Variants in MBD1 observed in about 807,000 individuals in gnomAD.
MBD1 encodes the protein methyl-CpG-binding domain protein 1.
In MBD1, 25 loss-of-function variants were observed where a neutral mutation model predicts 82.6. That is an observed-to-expected ratio of 0.30 (90% CI 0.22 to 0.42). The LOEUF is 0.42. Ranked by LOEUF, MBD1 falls within the 10% of genes least tolerant of loss-of-function variation. The pLI is 1.00. For missense variants in MBD1, 627 were observed against 819.6 expected (o/e 0.76, Z 2.87); for synonymous variants, 301 against 303.7 (o/e 0.99, Z 0.09).
chr18:50,276,410 T>C lies in MBD1; in HGVS notation c.484A>G (p.Ile162Val), dbSNP rs2037916486. ...TLCKDCRAQR[I>V]AFNREQRMFK... Reference sequence around the variant, plus strand: ...ATTCTCTGTTCCCGGTTGAAGGCAATTCTCTGTGCTGTGGGGAGGAAGAGG... The same window carrying C: ...ATTCTCTGTTCCCGGTTGAAGGCAACTCTCTGTGCTGTGGGGAGGAAGAGG... The change falls in exon 6 of 17, where the codon ATT becomes GTT. Residue 162 changes from isoleucine (I) to valine (V), a missense_variant. This residue lies in a region of MBD1 where 228 missense variants were observed against 318.1 expected (regional missense o/e 0.72). Transcript: ENST00000269468. 1 of 1,613,982 alleles carries C rather than the reference T, an allele frequency of 6.2e-7. No homozygotes were observed. The highest frequency in any genetic ancestry group is 8.5e-7 in the Non-Finnish European group (1 of 1,179,998).
At position 50,273,076 on chromosome 18, in the gene MBD1, G is replaced by A. The variant is rs1432023071; in HGVS notation, c.1585-121C>T. 6 of 1,362,232 alleles carry A rather than the reference G, an allele frequency of 4.4e-6. No individual in the cohort carries two copies. The African/African-American group carries it at 7.2e-5, about 16-fold the overall frequency. 84.4% of individuals were successfully genotyped at this position (1,362,232 alleles called of 1,614,324 possible). On this transcript the variant is annotated intron_variant, in intron 13 of 16. Transcript: ENST00000269468. ...CTTCCATCACATTTCAACACAGAAA[G>A]TCCATCTCTCTGCCTACAAAGCTTT...
chr18:50,274,354 C>T lies in MBD1; in HGVS notation c.979-1G>A. On this transcript the variant is annotated splice_acceptor_variant, in intron 10 of 16. Transcript: ENST00000269468. LOFTEE classifies it high-confidence loss of function. ...TCTGCCGGCGGTTCGTGTAGGGCTGCTGGGGTGGGGGGAATGGGTGGTGCT... is the reference window on the plus strand; with the variant it reads ...TCTGCCGGCGGTTCGTGTAGGGCTGTTGGGGTGGGGGGAATGGGTGGTGCT... 6.2e-7 allele frequency: 1 copy of T among 1,611,648 alleles called. No individual in the cohort carries two copies. Among genetic ancestry groups the T allele is most frequent in the Non-Finnish European group, 8.5e-7 (1 of 1,179,296 alleles).
intron 9 of MBD1, 23 bp downstream of exon 9, chr18:50,275,106 C>T: frequency 6.2e-7 from 1 of 1,612,974 alleles, no homozygotes; most frequent in Non-Finnish European, 8.5e-7. Context: ...GTTGTGCCTT[C>T]CCTCCACCCA....
At chr18:50,281,017 T>C in intron 1 of MBD1, 2 of 682,506 alleles carry the variant, frequency 2.9e-6, no homozygotes, top group Non-Finnish European at 4.8e-6. Flanking sequence ...ATTTCTCCTG[T>C]CATCAGCCTG....
intron 1 of MBD1, 35 bp from the exon 2 acceptor site, chr18:50,280,052 G>GCTCTA (rs2039612546): frequency 1.9e-6 from 3 of 1,565,946 alleles, no homozygotes; most frequent in Non-Finnish European, 2.6e-6. Context: ...GGAAACTGAG[G>GCTCTA]CTCTAGGAAG....
At chr18:50,268,171 A>AC (rs1199839884), downstream of MBD1, among the ~76,000 whole-genome samples, 6 of 152,148 alleles carry the variant, frequency 3.9e-5, no homozygotes, top group Admixed American at 2.0e-4. Flanking sequence ...GGGCGGAACC[A>AC]CCCCCACCAC....
At position 50,275,176 on chromosome 18, in the gene MBD1, G is replaced by A; in HGVS notation, c.862C>T (p.Pro288Ser). 6.2e-7 allele frequency: 1 copy of A among 1,614,116 alleles called. No homozygotes were observed. The highest frequency in any genetic ancestry group is 2.2e-5 in the East Asian group (1 of 44,880). Residue 288 changes from proline to serine, a missense_variant, in exon 9 of 17, where the codon CCA (proline) becomes TCA (serine). This residue lies in a region of MBD1 where 228 missense variants were observed against 318.1 expected (regional missense o/e 0.72). Coordinates refer to ENST00000269468, the MANE Select transcript of MBD1 (RefSeq NM_015846.4). ...TGTGATGGGGGTGGTGGAGGCAGTG[G>A]CTGGGCTCCGGGGCGCCGCCTGGCA... ...MAARRRPGAQ[P>S]LPPPPPSQSP...
chr18:50,269,968 T>G, intron 16 of MBD1, 150 bp from the exon 17 acceptor site: 1 of 1,560,760 alleles, frequency 6.4e-7, no homozygotes, highest in Non-Finnish European at 8.7e-7. Context: ...CTCCTCTGAT[T>G]GTACCCTAAC....
intron 2 of MBD1, 89 bp from the exon 3 acceptor site, chr18:50,277,293 G>A (rs929788100): frequency 9.5e-7 from 1 of 1,056,240 alleles, no homozygotes; most frequent in Non-Finnish European, 1.4e-6. Flanking sequence ...CAGGATATAG[G>A]AGGCAGCCTG....
In MBD1 at chr18:50,281,503, C is replaced by T. The variant is rs780073045; in HGVS notation, c.-166G>A. The T allele has an allele frequency of 3.8e-5, 22 of 581,174 alleles. No homozygotes were observed. Among genetic ancestry groups the T allele is most frequent in the Non-Finnish European group, 6.4e-5 (21 of 327,202 alleles). 36.0% of individuals were successfully genotyped at this position (581,174 alleles called of 1,614,324 possible). A position where few individuals can be genotyped will look rare whatever the true frequency, so the allele number is the denominator to read the frequency against. On this transcript the variant is annotated 5_prime_UTR_variant, in exon 1 of 17. Coordinates refer to ENST00000269468, the MANE Select transcript of MBD1 (RefSeq NM_015846.4). The stretch of plus-strand genomic sequence containing the variant: ...TCCTCTGAAGCGGTAGCTGTCGCCT[C>T]CGCGGCTGTTCGTTGCTCCCGGAAC...
chr18:50,267,709 T>TG, downstream of MBD1: 1 of 1,344,680 alleles, frequency 7.4e-7, no homozygotes, highest in Non-Finnish European at 1.0e-6. Flanking sequence ...CATTCTAAAG[T>TG]GGGGGTGAGC....
rs1568189716 is a variant in MBD1 at position 50,271,487 on chromosome 18, T to C, written c.*14A>G. ...ATATCACCTTGAATCCTACAGTCTG[T>C]AGAAGCCTCCAGTCTACTGCTTTCT... On this transcript the variant is annotated 3_prime_UTR_variant, in exon 16 of 17. Transcript: ENST00000269468. 1.9e-6 allele frequency: 3 copies of C among 1,614,032 alleles called. No homozygotes were observed. The highest frequency in any genetic ancestry group is 2.2e-5 in the South Asian group (2 of 91,080).
chr18:50,278,889 G>A (rs2039131322), intron 2 of MBD1, among the ~76,000 whole-genome samples: 1 of 152,154 alleles, frequency 6.6e-6, no homozygotes. Context: ...GTCTTTGAAT[G>A]ACTCAAACCA....
downstream of MBD1, chr18:50,267,699 C>T (rs1455139851): frequency 1.4e-6 from 2 of 1,449,556 alleles, no homozygotes; most frequent in Non-Finnish European, 1.9e-6. Context: ...GTGATACTCC[C>T]ATTCTAAAGT....
intron 2 of MBD1, 153 bp downstream of exon 2, chr18:50,279,730 T>C: frequency 1.0e-6 from 1 of 992,090 alleles, no homozygotes; most frequent in Non-Finnish European, 1.5e-6. Context: ...ATAAATTTTA[T>C]TAAGTAGGTG....
downstream of MBD1, among the ~76,000 whole-genome samples, chr18:50,268,641 T>C (rs1368512407): frequency 1.3e-5 from 2 of 152,216 alleles, no homozygotes. Context: ...CACCAGCAGG[T>C]TGAAGGTGTC....
intron 5 of MBD1, 110 bp from the exon 6 acceptor site, chr18:50,276,528 T>C: frequency 7.0e-7 from 1 of 1,424,080 alleles, no homozygotes; most frequent in Non-Finnish European, 9.8e-7. Context: ...CTATGCCTGC[T>C]ATCTCCAATA....
At position 50,273,665 on chromosome 18, in the gene MBD1, G is replaced by C; in HGVS notation, c.1345C>G (p.Leu449Val). The C allele has an allele frequency of 1.2e-6, 2 of 1,614,008 alleles. No homozygotes were observed. Among genetic ancestry groups the C allele is most frequent in the Non-Finnish European group, 1.7e-6 (2 of 1,180,028 alleles). The change falls in exon 12 of 17, where the codon CTG becomes GTG. Residue 449 changes from leucine to valine, a missense_variant. By Grantham distance (32) the Leu-to-Val change is conservative (BLOSUM62 1). Around this residue, in one of 6 missense-constraint regions of MBD1, gnomAD observed 265 missense variants for 278.4 expected, o/e 0.95. Transcript: ENST00000269468. Reference sequence around the variant, plus strand: ...ACAAGGTCAGTGCCAGGCGGGGGCAGCACAAAGCCACCACCTGCTTCCTGC... The same window carrying C: ...ACAAGGTCAGTGCCAGGCGGGGGCACCACAAAGCCACCACCTGCTTCCTGC... ...TKQEAGGGFV[L>V]PPPGTDLVFL...
chr18:50,281,534 G>T, upstream of MBD1: 2 of 575,916 alleles, frequency 3.5e-6, no homozygotes, highest in Non-Finnish European at 6.2e-6. Flanking sequence ...GGAACCGGAA[G>T]TCCGCTGCCT....
Sources: gnomAD v4.1 joint callset for allele counts (sites outside exome capture counted in the v4.1 genomes callset) on GRCh38, gnomAD v4.1.1 for gene constraint, gnomAD v4.1.1 regional missense constraint, MANE v1.5 for transcripts, NCBI Gene and HGNC (gene_info 2026-07-23, HGNC 2026-07-21) for gene names.